JARID2: variants seen among roughly 807,000 people sequenced by gnomAD.
JARID2 encodes the protein jumonji and AT-rich interaction domain containing 2.
In JARID2, 21 loss-of-function variants were observed where a neutral mutation model predicts 125.6. The ratio of observed to expected loss-of-function variants is 0.17; its 90% CI spans 0.12 to 0.24. The LOEUF (loss-of-function observed/expected upper bound fraction) is 0.24. JARID2 is among the 10% of genes least tolerant of loss of function. The pLI is 1.00. For synonymous variants in JARID2, 736 were observed against 661.6 expected, an observed-to-expected ratio of 1.11 and a Z score of -1.73; for missense variants, 1,303 against 1,639.6, an observed-to-expected ratio of 0.79 and a Z score of 3.55.
intron 2 of JARID2, among the ~76,000 whole-genome samples, chr6:15,375,145 TAGTTGTATGGTG>T (rs1321172813): frequency 6.6e-6 from 1 of 152,154 alleles, no homozygotes. Flanking sequence ...CCCACCACCT[TAGTTGTATGGTG>T]AGTTGTCTGG....
intron 4 of JARID2, among the ~76,000 whole-genome samples, chr6:15,467,611 G>A (rs1320148808): frequency 1.3e-5 from 2 of 151,914 alleles, no homozygotes; most frequent in Non-Finnish European, 2.9e-5. Flanking sequence ...GGAGGCCAAG[G>A]CAGGAGGATT....
chr6:15,511,800 C>T lies in JARID2; in HGVS notation c.2952+399C>T, dbSNP rs142958950. Among the ~76,000 whole-genome samples the T allele has an allele frequency of 4.8e-3, 725 of 152,292 alleles. 2 individuals are homozygous for T. Among genetic ancestry groups the T allele is most frequent in the African/African-American group, 7.0e-3 (291 of 41,568 alleles). On this transcript the variant is annotated intron_variant, in intron 13 of 17. Coordinates refer to ENST00000341776, the MANE Select transcript of JARID2 (RefSeq NM_004973.4). ...CTGAGTTCTGACCAGCTTCTCTGGC[C>T]TCTGCTGACCCTGCCGGTCCCGCCT...
chr6:15,380,695 G>T (rs2127526548), intron 2 of JARID2, among the ~76,000 whole-genome samples: 2 of 152,240 alleles, frequency 1.3e-5, no homozygotes, highest in South Asian at 4.2e-4. Context: ...CCCCCTTTAA[G>T]AAATATAATT....
intron 2 of JARID2, among the ~76,000 whole-genome samples, chr6:15,408,209 G>A (rs1007806194): frequency 3.9e-5 from 6 of 152,140 alleles, no homozygotes; most frequent in South Asian, 4.2e-4. Context: ...CTATGGTTGC[G>A]CCACTGCCCT....
chr6:15,369,346 C>G (rs201724855), intron 1 of JARID2: 192 of 440,192 alleles, frequency 4.4e-4, no homozygotes, highest in African/African-American at 3.6e-3. Flanking sequence ...AAGTTTGATT[C>G]CTGACCAATT....
chr6:15,272,371 A>G (rs1760331797), intron 1 of JARID2, among the ~76,000 whole-genome samples: 1 of 152,224 alleles, frequency 6.6e-6, no homozygotes, highest in Non-Finnish European at 1.5e-5. Context: ...AGTGTCAGGA[A>G]TTTCTGCGTA....
intron 1 of JARID2, among the ~76,000 whole-genome samples, chr6:15,328,289 A>T (rs530685544): frequency 6.6e-6 from 1 of 152,292 alleles, no homozygotes; most frequent in South Asian, 2.1e-4. Context: ...TCTCCAAAAC[A>T]TAGTAAAGCT....
At chr6:15,292,957 C>T (rs1468115968) in intron 1 of JARID2, among the ~76,000 whole-genome samples, 1 of 152,186 alleles carries the variant, frequency 6.6e-6, no homozygotes, top group Non-Finnish European at 1.5e-5. Context: ...GAGGCATGAG[C>T]CACCATGCCC....
At position 15,280,203 on chromosome 6, in the gene JARID2, T is replaced by TA. The variant is rs1391735218; in HGVS notation, c.45+33628dup. ...TCCTGCTGCAGCACTTCAGTAGTAA[T>TA]AAAAAAAAACTTCAGTGACTTGGGT... On this transcript the variant is annotated intron_variant, in intron 1 of 17. Transcript: ENST00000341776. Among the ~76,000 whole-genome samples the TA allele has an allele frequency of 2.2e-3, 331 of 151,700 alleles. 1 individual carries two copies. Among genetic ancestry groups the TA allele is most frequent in the African/African-American group, 7.3e-3 (300 of 41,376 alleles).
At chr6:15,480,352 A>G (rs1287983322) in intron 5 of JARID2, among the ~76,000 whole-genome samples, 2 of 152,090 alleles carry the variant, frequency 1.3e-5, no homozygotes, top group African/African-American at 4.8e-5. Flanking sequence ...TCTGAACTGT[A>G]TTATTTCAGG....
intron 1 of JARID2, among the ~76,000 whole-genome samples, chr6:15,257,643 G>T (rs1307678577): frequency 6.6e-6 from 1 of 152,154 alleles, no homozygotes; most frequent in East Asian, 1.9e-4. Flanking sequence ...TACTGACTTA[G>T]AAGTGCCCGT....
At chr6:15,491,181 T>C (rs1770133264) in intron 6 of JARID2, among the ~76,000 whole-genome samples, 1 of 152,266 alleles carries the variant, frequency 6.6e-6, no homozygotes, top group South Asian at 2.1e-4. Flanking sequence ...GGTTTTCTTC[T>C]CATGACATTA....
At chr6:15,444,735 A>ATTTT (rs5874512) in intron 3 of JARID2, among the ~76,000 whole-genome samples, 2 of 91,926 alleles carry the variant, frequency 2.2e-5, no homozygotes, top group Admixed American at 2.5e-4. Context: ...GAACTGTCTG[A>ATTTT]TTTTTTTTTT....
At chr6:15,503,476 A>G (rs1770839968) in intron 8 of JARID2, among the ~76,000 whole-genome samples, 1 of 151,864 alleles carries the variant, frequency 6.6e-6, no homozygotes, top group African/African-American at 2.4e-5. Flanking sequence ...TGGCCCTATC[A>G]CTTCTAGGGG....
Position 15,282,491 on chromosome 6 carries a change from A to G in JARID2, c.45+35907A>G, listed in dbSNP as rs1025967120. The stretch of plus-strand genomic sequence containing the variant: ...TTTTTCTTCATAACTTTTATCCACT[A>G]TTATATTGGGTTGTTGGTTTCTTTC... On this transcript the variant is annotated intron_variant, in intron 1 of 17. Transcript: ENST00000341776. Among the ~76,000 whole-genome samples, 5 of 151,266 alleles carry G rather than the reference A, an allele frequency of 3.3e-5. No individual in the cohort carries two copies. In the South Asian group the frequency reaches 8.4e-4, roughly 25 times the overall value.
chr6:15,324,292 AG>A (rs978398734), intron 1 of JARID2: 1 of 152,012 alleles, frequency 6.6e-6, no homozygotes. Context: ...GTATAACCTA[AG>A]ATTGGAAGGA....
chr6:15,295,153 G>C (rs1369874171), intron 1 of JARID2, among the ~76,000 whole-genome samples: 1 of 114,526 alleles, frequency 8.7e-6, no homozygotes, highest in Non-Finnish European at 1.7e-5. Context: ...ACGGAGTCTT[G>C]CTCTGTCGCC....
chr6:15,516,136 C>T (rs1209898123), intron 16 of JARID2, among the ~76,000 whole-genome samples: 2 of 152,154 alleles, frequency 1.3e-5, no homozygotes, highest in Non-Finnish European at 2.9e-5. Flanking sequence ...GTCCTTGGCC[C>T]CGTGTCTCTC....
intron 1 of JARID2, among the ~76,000 whole-genome samples, chr6:15,290,638 A>C (rs1178475766): frequency 6.6e-6 from 1 of 152,130 alleles, no homozygotes; most frequent in Non-Finnish European, 1.5e-5. Context: ...TTCCCCCCCA[A>C]GACAGTGCCT....
Sources: allele counts gnomAD v4.1 joint callset (sites outside exome capture counted in the v4.1 genomes callset), GRCh38; gene constraint gnomAD v4.1.1; transcripts MANE v1.5; gene names NCBI Gene and HGNC (gene_info 2026-07-23, HGNC 2026-07-21).